HTR3D: variants seen among roughly 807,000 people sequenced by gnomAD.
HTR3D encodes 5-hydroxytryptamine receptor 3D.
Under a neutral mutation model 45.8 loss-of-function variants are expected in HTR3D, and 47 were observed. The observed-to-expected ratio is 1.03, with a 90% CI of 0.81 to 1.31. The LOEUF (loss-of-function observed/expected upper bound fraction) is 1.31, where lower values mean the gene tolerates loss of function less well. Among genes scored for constraint, HTR3D ranks in the 50% most tolerant of loss-of-function variants. The probability of loss-of-function intolerance (pLI) is 0.00; values close to 1 mark genes in which losing one functional copy is unlikely to be tolerated. For synonymous variants in HTR3D, 203 were observed against 199.8 expected, an observed-to-expected ratio of 1.02 and a Z score of -0.13; for missense variants, 448 against 506.9, an observed-to-expected ratio of 0.88 and a Z score of 1.12.
intron 3 of HTR3D, 26 bp downstream of exon 3, chr3:184,036,126 A>T (rs1212932650): frequency 6.5e-7 from 1 of 1,544,142 alleles, no homozygotes. Context: ...AAAAAGCAGA[A>T]TGGAAACCAC....
intron 1 of HTR3D, among the ~76,000 whole-genome samples, chr3:184,034,535 G>A (rs1021116560): frequency 3.3e-5 from 5 of 152,028 alleles, no homozygotes; most frequent in African/African-American, 9.7e-5. Context: ...TGTGTTTAAC[G>A]CCACGGAACT....
intron 5 of HTR3D, 135 bp downstream of exon 5, chr3:184,037,031 G>T: frequency 2.7e-6 from 2 of 736,656 alleles, no homozygotes; most frequent in Non-Finnish European, 4.1e-6. Flanking sequence ...CCCGGCCTTT[G>T]TCACTCTTTT....
chr3:184,033,565 A>G (rs1390273555), intron 1 of HTR3D, among the ~76,000 whole-genome samples: 3 of 152,246 alleles, frequency 2.0e-5, no homozygotes, highest in Non-Finnish European at 4.4e-5. Context: ...ATAGTTAAGA[A>G]AATGCAGATC....
chr3:184,033,374 ATTACAGGCATGAGCCACCG>A (rs1722801115), intron 1 of HTR3D, among the ~76,000 whole-genome samples: 1 of 152,058 alleles, frequency 6.6e-6, no homozygotes, highest in Non-Finnish European at 1.5e-5. Flanking sequence ...AAGTTCTGGG[ATTACAGGCATGAGCCACCG>A]TGCCTGGCCC....
rs773268953 is a variant in HTR3D, at chr3:184,038,480, C to G, written c.841C>G (p.Leu281Val). The part of the protein sequence containing the change: ...LLETIFITHL[L>V]HVATTQPLPL... ...GGAGACCATCTTCATCACCCACCTG[C>G]TGCACGTGGCCACCACCCAGCCCCT... Residue 281 changes from leucine to valine, a missense_variant, in exon 7 of 8, where the codon CTG becomes GTG. By Grantham distance (32) the Leu-to-Val change is conservative. Transcript: ENST00000428798. The surrounding 1 kb of genome is among the most constrained non-coding windows in gnomAD (Gnocchi z 4.5). The G allele has an allele frequency of 6.2e-7, 1 of 1,614,094 alleles. No homozygotes were observed. The highest frequency in any genetic ancestry group is 1.1e-5 in the South Asian group (1 of 91,080).
intron 4 of HTR3D, 27 bp from the exon 5 acceptor site, chr3:184,036,721 G>C (rs1722907764): frequency 1.3e-6 from 2 of 1,552,622 alleles, no homozygotes; most frequent in Non-Finnish European, 1.7e-6. Flanking sequence ...GAGTCTTCTG[G>C]GCCTGCTTTG....
chr3:184,037,036 TC>T, intron 5 of HTR3D, 140 bp downstream of exon 5: 1 of 664,830 alleles, frequency 1.5e-6, no homozygotes, highest in Non-Finnish European at 2.3e-6. Flanking sequence ...CCTTTGTCAC[TC>T]TTTTTTTTTT....
chr3:184,036,677 C>T, intron 4 of HTR3D, 71 bp from the exon 5 acceptor site: 1 of 1,561,608 alleles, frequency 6.4e-7, no homozygotes, highest in Non-Finnish European at 8.7e-7. Context: ...ATCCAACAGT[C>T]TGGGCAAGGG....
intron 1 of HTR3D, chr3:184,032,925 C>G (rs768195397): frequency 5.8e-6 from 9 of 1,552,562 alleles, no homozygotes; most frequent in Non-Finnish European, 7.8e-6. Flanking sequence ...ATCAATTGCC[C>G]AGGCTTTGGC....
intron 1 of HTR3D, among the ~76,000 whole-genome samples, 188 bp downstream of exon 1, chr3:184,031,995 C>CTTTTTTT (rs3031482): frequency 6.2e-5 from 8 of 129,616 alleles, no homozygotes; most frequent in African/African-American, 2.4e-4. Flanking sequence ...CTTTTCTCTT[C>CTTTTTTT]TTTTTTTTTT....
rs145250740 is a variant in HTR3D at position 184,038,099 on chromosome 3, G to A, written c.595G>A (p.Asp199Asn). ...GCCCAGTGGCATTCTGATTGCCATC[G>A]ATGCCCTCAGTTTCTACCTGCCACT... The part of the protein sequence containing the change: ...LVPSGILIAI[D>N]ALSFYLPLES... Residue 199 changes from aspartate to asparagine, a missense_variant, in exon 6 of 8, where the codon GAT (aspartate) becomes AAT (asparagine). Transcript: ENST00000428798. The surrounding 1 kb of genome is among the most constrained non-coding windows in gnomAD (Gnocchi z 4.5). 59 of 1,614,134 alleles carry A rather than the reference G, an allele frequency of 3.7e-5. No individual in the cohort carries two copies. Among genetic ancestry groups the A allele is most frequent in the South Asian group, 1.4e-4 (13 of 91,072 alleles).
chr3:184,036,744 C>A lies in HTR3D; in HGVS notation c.368-4C>A. 6.4e-7 allele frequency: 1 copy of A among 1,552,044 alleles called. No individual in the cohort carries two copies. The highest frequency in any genetic ancestry group is 8.7e-7 in the Non-Finnish European group (1 of 1,147,028). On this transcript the variant is annotated splice_region_variant and splice_polypyrimidine_tract_variant and intron_variant, in intron 4 of 7. Transcript: ENST00000428798. The stretch of plus-strand genomic sequence containing the variant: ...TGGGCCTGCTTTGCAGTGGAGAACA[C>A]GAGCCCGGGCATGGAGAAGGATGTC...
chr3:184,032,797 A>G, intron 1 of HTR3D: 3 of 1,456,538 alleles, frequency 2.1e-6, no homozygotes, highest in Non-Finnish European at 1.9e-6. Flanking sequence ...GGAGGAGCTC[A>G]CATGCTTCTC....
chr3:184,032,918 A>C, intron 1 of HTR3D: 1 of 1,552,544 alleles, frequency 6.4e-7, no homozygotes, highest in South Asian at 1.2e-5. Flanking sequence ...TTTGATTATC[A>C]ATTGCCCAGG....
In HTR3D at chr3:184,036,901, G is replaced by A. The variant is rs1722916673; in HGVS notation, c.516+5G>A. 6.4e-7 allele frequency: 1 copy of A among 1,551,036 alleles called. No individual in the cohort carries two copies. The highest frequency in any genetic ancestry group is 8.7e-7 in the Non-Finnish European group (1 of 1,146,594). Reference sequence around the variant, plus strand: ...TATGAACAAGCCATCTTCCATGTGAGCTCAGGGGCCAAGACAAGGTTTCAC... The same window carrying A: ...TATGAACAAGCCATCTTCCATGTGAACTCAGGGGCCAAGACAAGGTTTCAC... On this transcript the variant is annotated splice_donor_5th_base_variant and intron_variant, in intron 5 of 7. Transcript: ENST00000428798.
rs1381668975 is a variant in HTR3D, at chr3:184,036,627, G to A, written c.367+83G>A. The A allele has an allele frequency of 3.0e-5, 47 of 1,591,358 alleles. 1 individual carries two copies. The South Asian group carries it at 5.2e-4, about 18-fold the overall frequency. On this transcript the variant is annotated intron_variant, in intron 4 of 7. Transcript: ENST00000428798. ...GGACAGAAAGCTGGGAACAGTGAGG[G>A]AATCTTGCTGAAAAGGGCCTGGAAG... is the stretch of plus-strand genomic sequence containing the variant.
rs752956645 is a variant in HTR3D, at chr3:184,038,404, T to C, written c.770-5T>C. On this transcript the variant is annotated splice_region_variant and splice_polypyrimidine_tract_variant and intron_variant, in intron 6 of 7. Coordinates refer to ENST00000428798, the MANE Select transcript of HTR3D (RefSeq NM_001145143.1). The surrounding 1 kb of genome is among the most constrained non-coding windows in gnomAD (Gnocchi z 4.5). ...TGGCCCTCATGCAGACCCCCTTGCC[T>C]GCAGGTGTCTACTTCGCCCTGTGCC... 3 of 1,614,168 alleles carry C rather than the reference T, an allele frequency of 1.9e-6. No homozygotes were observed. Among genetic ancestry groups the C allele is most frequent in the Middle Eastern group, 1.6e-4 (1 of 6,062 alleles).
At chr3:184,037,934 C>G in intron 5 of HTR3D, 87 bp from the exon 6 acceptor site, 1 of 1,519,536 alleles carries the variant, frequency 6.6e-7, no homozygotes, top group South Asian at 1.3e-5. Flanking sequence ...ACAGTTTGGC[C>G]TGGGACAAAT....
chr3:184,038,575 G>C lies in HTR3D; in HGVS notation c.936G>C (p.Ala312=). The change falls in exon 7 of 8, where the codon GCG becomes GCC. Residue 312 remains alanine (A), a synonymous_variant. Coordinates refer to ENST00000428798, the MANE Select transcript of HTR3D (RefSeq NM_001145143.1). This position sits in a 1 kb window ranked among gnomAD's most constrained non-coding sequence, Gnocchi z 4.5. ...CTGQGRCCPT[A]PQKGNKGPGL... ...GCCAAGGGAGATGCTGTCCCACTGC[G>C]CCCCAGAAGGGAAATAAGGGCCCGG... 4 of 1,613,938 alleles carry C rather than the reference G, an allele frequency of 2.5e-6. No homozygotes were observed. Among genetic ancestry groups the C allele is most frequent in the Non-Finnish European group, 3.4e-6 (4 of 1,180,012 alleles).
Sources: allele counts gnomAD v4.1 joint callset (sites outside exome capture counted in the v4.1 genomes callset), GRCh38; gene constraint gnomAD v4.1.1; non-coding constraint Gnocchi (gnomAD v3.1); transcripts MANE v1.5; gene names NCBI Gene and HGNC (gene_info 2026-07-23, HGNC 2026-07-21).